SERPINI1: variants seen among roughly 807,000 people sequenced by gnomAD.
SERPINI1 encodes serpin family I member 1.
A neutral mutation model predicts 41.1 loss-of-function variants in SERPINI1; 19 were observed. The ratio of observed to expected loss-of-function variants is 0.46; its 90% CI spans 0.32 to 0.68. The LOEUF (loss-of-function observed/expected upper bound fraction) is 0.68, where lower values mean the gene tolerates loss of function less well. Ranked by LOEUF, SERPINI1 falls within the 30% of genes least tolerant of loss-of-function variation. The probability of loss-of-function intolerance (pLI) is 0.03; values close to 1 mark genes in which losing one functional copy is unlikely to be tolerated. For missense variants in SERPINI1, 460 were observed against 479.2 expected (o/e 0.96, Z 0.37); for synonymous variants, 138 against 156.6 (o/e 0.88, Z 0.89).
chr3:167,742,169 A>G (rs1056455440), intron 1 of SERPINI1, among the ~76,000 whole-genome samples: 1 of 152,156 alleles, frequency 6.6e-6, no homozygotes. Context: ...ATTAATAATT[A>G]GTAATATAAA....
intron 5 of SERPINI1, among the ~76,000 whole-genome samples, chr3:167,803,284 A>AAAATAAATAAATAAAT (rs3061436): frequency 4.3e-4 from 64 of 147,652 alleles, no homozygotes; most frequent in Non-Finnish European, 6.1e-4. Flanking sequence ...AATAATAATA[A>AAAATAAATAAATAAAT]AAATAAATAA....
At chr3:167,756,068 A>G (rs1169641002) in intron 1 of SERPINI1, among the ~76,000 whole-genome samples, 2 of 134,718 alleles carry the variant, frequency 1.5e-5, no homozygotes, top group South Asian at 2.7e-4. Context: ...CCCCAACCCC[A>G]GAGAGCCATC....
intron 1 of SERPINI1, among the ~76,000 whole-genome samples, chr3:167,746,315 A>G (rs572158669): frequency 1.3e-5 from 2 of 152,312 alleles, no homozygotes; most frequent in South Asian, 2.1e-4. Flanking sequence ...TGTAAGAGCT[A>G]TAACTATAAA....
At chr3:167,764,952 C>A (rs759286905) in intron 1 of SERPINI1, among the ~76,000 whole-genome samples, 2 of 152,234 alleles carry the variant, frequency 1.3e-5, no homozygotes, top group Non-Finnish European at 2.9e-5. Flanking sequence ...CCAGGTCACA[C>A]TGATGCAAGA....
chr3:167,809,287 A>G (rs1369172303), intron 6 of SERPINI1, among the ~76,000 whole-genome samples: 1 of 152,220 alleles, frequency 6.6e-6, no homozygotes, highest in Non-Finnish European at 1.5e-5. Flanking sequence ...AATCTGTCTT[A>G]CCATACTGGC....
chr3:167,742,523 GA>G lies in SERPINI1; in HGVS notation c.-19+6701del, dbSNP rs1436173191. Among the ~76,000 whole-genome samples, 7 of 152,280 alleles carry G rather than the reference GA, an allele frequency of 4.6e-5. No homozygotes were observed. The East Asian group carries it at 1.4e-3, about 29-fold the overall frequency. ...CACTGTCATTCAAAGAAGGAAGAATGAGAAACAGTTGTTCCTGTTGAGTCTT... is the reference window on the plus strand; with the variant it reads ...CACTGTCATTCAAAGAAGGAAGAATGGAAACAGTTGTTCCTGTTGAGTCTT... On this transcript the variant is annotated intron_variant, in intron 1 of 8. Coordinates refer to ENST00000446050, the MANE Select transcript of SERPINI1 (RefSeq NM_001122752.2).
rs982600508 is a variant in SERPINI1, at chr3:167,775,958, C to CA, written c.-18-13145dup. On this transcript the variant is annotated intron_variant, in intron 1 of 8. Transcript: ENST00000446050. The stretch of plus-strand genomic sequence containing the variant: ...TGGGCGACAGAGTGAGACCCCGTCC[C>CA]AAAAAAAAGCGAAAAAAAAATACTC... Among the ~76,000 whole-genome samples the CA allele has an allele frequency of 6.0e-5, 9 of 149,862 alleles. No homozygotes were observed. In the South Asian group the frequency reaches 6.3e-4, roughly 11 times the overall value.
At chr3:167,798,515 A>T (rs989497080) in intron 5 of SERPINI1, among the ~76,000 whole-genome samples, 1 of 152,192 alleles carries the variant, frequency 6.6e-6, no homozygotes, top group Non-Finnish European at 1.5e-5. Flanking sequence ...GTAATGATTT[A>T]TGTGACCCAT....
Position 167,794,719 on chromosome 3 carries a change from G to C in SERPINI1, c.776G>C (p.Arg259Thr). The C allele has an allele frequency of 6.2e-7, 1 of 1,613,694 alleles. No individual in the cohort carries two copies. Among genetic ancestry groups the C allele is most frequent in the Non-Finnish European group, 8.5e-7 (1 of 1,179,830 alleles). Reference sequence around the variant, plus strand: ...ATAAGCATGATGCTGGTGCTGTCCAGACAGGAAGTTCCTCTTGCTACTCTG... The same window carrying C: ...ATAAGCATGATGCTGGTGCTGTCCACACAGGAAGTTCCTCTTGCTACTCTG... ...DEISMMLVLSRQEVPLATLEP... is the reference protein window; with the variant it reads ...DEISMMLVLSTQEVPLATLEP... The change falls in exon 5 of 9, where the codon AGA becomes ACA. Residue 259 changes from arginine (R) to threonine (T), a missense_variant. Physicochemically the swap from Arg to Thr is moderately conservative, Grantham distance 71. Coordinates refer to ENST00000446050, the MANE Select transcript of SERPINI1 (RefSeq NM_001122752.2).
At chr3:167,781,188 C>T (rs781154814) in intron 1 of SERPINI1, among the ~76,000 whole-genome samples, 5 of 151,944 alleles carry the variant, frequency 3.3e-5, no homozygotes, top group Admixed American at 2.6e-4. Flanking sequence ...AACACAGGCC[C>T]GGAAACTTTC....
At chr3:167,751,660 A>G (rs981935402) in intron 1 of SERPINI1, among the ~76,000 whole-genome samples, 3 of 152,138 alleles carry the variant, frequency 2.0e-5, no homozygotes, top group Non-Finnish European at 4.4e-5. Context: ...TGGGTTGTCA[A>G]TGGCATTTTC....
At chr3:167,785,014 G>A (rs902724364) in intron 1 of SERPINI1, among the ~76,000 whole-genome samples, 11 of 152,108 alleles carry the variant, frequency 7.2e-5, no homozygotes, top group Admixed American at 2.6e-4. Flanking sequence ...AGGCCGAGGC[G>A]GGTGGATCAT....
chr3:167,736,979 C>T (rs1725477845), intron 1 of SERPINI1, among the ~76,000 whole-genome samples: 1 of 151,892 alleles, frequency 6.6e-6, no homozygotes, highest in South Asian at 2.1e-4. Context: ...GTGACAGTTG[C>T]ATATTTCAGA....
intron 6 of SERPINI1, among the ~76,000 whole-genome samples, chr3:167,817,124 G>T (rs1712123700): frequency 2.0e-5 from 3 of 152,046 alleles, no homozygotes; most frequent in Admixed American, 6.6e-5. Context: ...CATCCCGGAG[G>T]AAGCTTTAAG....
rs563355037 is a variant in SERPINI1 at position 167,763,132 on chromosome 3, G to A, written c.-18-25979G>A. Among the ~76,000 whole-genome samples the A allele has an allele frequency of 2.6e-5, 4 of 152,272 alleles. No homozygotes were observed. In the South Asian group the frequency reaches 8.3e-4, roughly 32 times the overall value. On this transcript the variant is annotated intron_variant, in intron 1 of 8. Coordinates refer to ENST00000446050, the MANE Select transcript of SERPINI1 (RefSeq NM_001122752.2). ...AGTGCAGACTTGGGCCAAGCAGTGG[G>A]CTAGGTCCTGGTAGTCCTAAGTGGG...
At chr3:167,784,311 A>G (rs901400158) in intron 1 of SERPINI1, among the ~76,000 whole-genome samples, 1 of 152,146 alleles carries the variant, frequency 6.6e-6, no homozygotes, top group Non-Finnish European at 1.5e-5. Flanking sequence ...AGCCACTGTA[A>G]TATTAATTGT....
intron 1 of SERPINI1, among the ~76,000 whole-genome samples, chr3:167,784,070 T>C (rs1409408460): frequency 1.3e-5 from 2 of 152,166 alleles, no homozygotes; most frequent in African/African-American, 2.4e-5. Flanking sequence ...ACATCTGTGG[T>C]TTTGACATCC....
intron 1 of SERPINI1, among the ~76,000 whole-genome samples, chr3:167,777,630 C>T (rs952937383): frequency 1.3e-5 from 2 of 152,142 alleles, no homozygotes; most frequent in Non-Finnish European, 2.9e-5. Context: ...AGTTCATCTT[C>T]ATTTCACCCA....
chr3:167,779,033 A>G (rs1462942438), intron 1 of SERPINI1, among the ~76,000 whole-genome samples: 1 of 152,198 alleles, frequency 6.6e-6, no homozygotes, highest in African/African-American at 2.4e-5. Context: ...GTGATCAGTA[A>G]TTCCAAGCTA....
Sources: allele counts gnomAD v4.1 joint callset (sites outside exome capture counted in the v4.1 genomes callset), GRCh38; gene constraint gnomAD v4.1.1; transcripts MANE v1.5; gene names NCBI Gene and HGNC (gene_info 2026-07-23, HGNC 2026-07-21).